The following RFC3 variants were observed in gnomAD, a reference collection of about 807,000 sequenced individuals.
RFC3 encodes the protein A1 38 kDa subunit.
In RFC3, 41 loss-of-function variants were observed where a neutral mutation model predicts 45.1. The ratio of observed to expected loss-of-function variants is 0.91; its 90% CI spans 0.71 to 1.18. The LOEUF (loss-of-function observed/expected upper bound fraction) is 1.18. RFC3 is among the 50% of genes most tolerant of loss of function. The pLI, the probability that RFC3 is intolerant of heterozygous loss-of-function variation, is 0.00. For synonymous variants in RFC3, 149 were observed against 144.0 expected (o/e 1.03, Z -0.25); for missense variants, 423 against 428.1 (o/e 0.99, Z 0.10).
intron 2 of RFC3, 91 bp downstream of exon 2, chr13:33,821,360 A>C (rs942910556): frequency 3.2e-6 from 4 of 1,246,908 alleles, no homozygotes; most frequent in African/African-American, 1.5e-5. Flanking sequence ...GTTGCTTCCT[A>C]ATGTATGATT....
intron 8 of RFC3, among the ~76,000 whole-genome samples, chr13:33,919,846 G>T (rs565217528): frequency 5.3e-5 from 8 of 152,094 alleles, no homozygotes; most frequent in African/African-American, 7.2e-5. Flanking sequence ...CTAAATGGTC[G>T]TAGATAAAAT....
chr13:33,928,693 C>T (rs75563501), intron 8 of RFC3, among the ~76,000 whole-genome samples: 26 of 152,206 alleles, frequency 1.7e-4, no homozygotes, highest in African/African-American at 6.3e-4. Context: ...ACATCTTATC[C>T]ACATACTTAA....
At chr13:33,828,338 C>A (rs2082070074) in intron 4 of RFC3, among the ~76,000 whole-genome samples, 1 of 152,154 alleles carries the variant, frequency 6.6e-6, no homozygotes, top group Non-Finnish European at 1.5e-5. Flanking sequence ...CTCAAGCCAT[C>A]TTCCTAGCTC....
Position 33,902,078 on chromosome 13 carries a change from A to C in RFC3, c.880-64009A>C, listed in dbSNP as rs145804495. 5.0e-3 allele frequency among the ~76,000 whole-genome samples: 762 copies of C among 152,144 alleles called. 7 individuals carry two copies. The highest frequency in any genetic ancestry group is 0.018 in the African/African-American group (736 of 41,540). On this transcript the variant is annotated intron_variant, in intron 8 of 8. Transcript: ENST00000434425. ...CTGTGATGGTGGAATAACACTGATG[A>C]CGGAATATCAGTTCAGGTTAAAAAA...
chr13:33,831,435 C>A, intron 7 of RFC3, 81 bp downstream of exon 7: 1 of 722,442 alleles, frequency 1.4e-6, no homozygotes. Flanking sequence ...ATGCTAATGT[C>A]ATTTTGAATT....
At chr13:33,879,688 A>G (rs1440659471) in intron 8 of RFC3, among the ~76,000 whole-genome samples, 1 of 152,246 alleles carries the variant, frequency 6.6e-6, no homozygotes, top group Non-Finnish European at 1.5e-5. Context: ...AAACCTCTCT[A>G]TTAGATTCCT....
intron 8 of RFC3, among the ~76,000 whole-genome samples, chr13:33,862,495 G>A (rs1272263484): frequency 2.6e-5 from 4 of 151,784 alleles, no homozygotes; most frequent in African/African-American, 9.7e-5. Context: ...TTTTCTGCTG[G>A]TTTTCTACAT....
At chr13:33,939,455 G>A (rs2137798159) in intron 8 of RFC3, among the ~76,000 whole-genome samples, 1 of 152,198 alleles carries the variant, frequency 6.6e-6, no homozygotes, top group African/African-American at 2.4e-5. Context: ...CACCCAAGAG[G>A]GTAAGGAGGC....
At chr13:33,885,336 T>TAA (rs58208461) in intron 8 of RFC3, among the ~76,000 whole-genome samples, 11 of 147,880 alleles carry the variant, frequency 7.4e-5, no homozygotes, top group South Asian at 6.4e-4. Flanking sequence ...AGGCTTTCTT[T>TAA]AAAAAAAAAA....
chr13:33,891,596 G>A (rs1369884272), intron 8 of RFC3, among the ~76,000 whole-genome samples: 1 of 152,086 alleles, frequency 6.6e-6, no homozygotes, highest in African/African-American at 2.4e-5. Flanking sequence ...AATGATAGAT[G>A]TATTTTATCT....
intron 8 of RFC3, among the ~76,000 whole-genome samples, chr13:33,844,058 T>C (rs1431406842): frequency 6.6e-6 from 1 of 152,214 alleles, no homozygotes; most frequent in East Asian, 1.9e-4. Context: ...ATTAATCATG[T>C]TTTTCTACTT....
intron 8 of RFC3, among the ~76,000 whole-genome samples, chr13:33,933,630 G>A (rs145555984): frequency 2.0e-5 from 3 of 152,108 alleles, no homozygotes; most frequent in Admixed American, 1.3e-4. Flanking sequence ...TTCATTGTTA[G>A]TGATGCATTT....
chr13:33,833,725 T>A (rs1394448869), intron 7 of RFC3, among the ~76,000 whole-genome samples: 1 of 152,174 alleles, frequency 6.6e-6, no homozygotes, highest in Non-Finnish European at 1.5e-5. Flanking sequence ...TGAAATTATT[T>A]TTATTATTCA....
intron 8 of RFC3, among the ~76,000 whole-genome samples, chr13:33,931,818 T>A (rs999867889): frequency 7.2e-5 from 11 of 152,168 alleles, no homozygotes; most frequent in African/African-American, 2.4e-4. Flanking sequence ...TTGCTTTTTT[T>A]AATGAATTCT....
chr13:33,937,092 G>A (rs1344323405), intron 8 of RFC3, among the ~76,000 whole-genome samples: 1 of 152,154 alleles, frequency 6.6e-6, no homozygotes, highest in Non-Finnish European at 1.5e-5. Context: ...CTTAAATACA[G>A]TCATGTACCA....
At chr13:33,819,456 T>A (rs887806103) in intron 1 of RFC3, among the ~76,000 whole-genome samples, 1 of 152,178 alleles carries the variant, frequency 6.6e-6, no homozygotes. Context: ...CTTTCTTAGA[T>A]TTACAGATAC....
intron 8 of RFC3, among the ~76,000 whole-genome samples, chr13:33,899,335 A>G (rs1163250794): frequency 6.6e-6 from 1 of 151,854 alleles, no homozygotes. Flanking sequence ...ATCATTCACC[A>G]TGATCAAGTG....
At chr13:33,851,748 ATTC>A (rs1380135352) in intron 8 of RFC3, among the ~76,000 whole-genome samples, 2 of 152,320 alleles carry the variant, frequency 1.3e-5, no homozygotes, top group African/African-American at 4.8e-5. Context: ...GTGTAAGGTC[ATTC>A]TTAAAGCATT....
chr13:33,874,897 T>C (rs563743364), intron 8 of RFC3, among the ~76,000 whole-genome samples: 2 of 152,370 alleles, frequency 1.3e-5, no homozygotes, highest in South Asian at 4.1e-4. Context: ...TTGTGTTAAC[T>C]AACCATGGGA....
Sources: gnomAD v4.1 joint callset for allele counts (sites outside exome capture counted in the v4.1 genomes callset) on GRCh38, gnomAD v4.1.1 for gene constraint, MANE v1.5 for transcripts, NCBI Gene and HGNC (gene_info 2026-07-23, HGNC 2026-07-21) for gene names.